The following GLIS3 variants were observed in gnomAD, a reference collection of about 807,000 sequenced individuals.
GLIS3 encodes zinc finger protein GLIS3.
A neutral mutation model predicts 78.6 loss-of-function variants in GLIS3; 53 were observed. That is an observed-to-expected ratio of 0.67 (90% CI 0.54 to 0.85). The LOEUF (loss-of-function observed/expected upper bound fraction) is 0.85. Among genes scored for constraint, GLIS3 ranks in the 40% least tolerant of loss-of-function variants. The pLI is 0.00. For missense variants in GLIS3, 1,703 were observed against 1,231.1 expected, an observed-to-expected ratio of 1.38 and a Z score of -5.74; for synonymous variants, 684 against 509.9, an observed-to-expected ratio of 1.34 and a Z score of -4.60.
chr9:3,879,320 AACCC>A, intron 8 of GLIS3, 103 bp downstream of exon 8: 2 of 1,094,316 alleles, frequency 1.8e-6, no homozygotes, highest in Non-Finnish European at 2.8e-6. Context: ...TGGGTAACTC[AACCC>A]ACCAACGGAT....
intron 2 of GLIS3, among the ~76,000 whole-genome samples, chr9:4,203,831 T>C (rs1428131362): frequency 6.6e-6 from 1 of 152,148 alleles, no homozygotes; most frequent in Non-Finnish European, 1.5e-5. Context: ...CTGGAGGCCA[T>C]TATCCTAAGT....
intron 6 of GLIS3, among the ~76,000 whole-genome samples, chr9:3,908,295 T>G (rs1329208016): frequency 6.6e-6 from 1 of 152,216 alleles, no homozygotes; most frequent in Non-Finnish European, 1.5e-5. Context: ...AAAAAGACTT[T>G]TTGTACATTG....
chr9:4,088,799 T>C (rs1829254922), intron 4 of GLIS3, among the ~76,000 whole-genome samples: 2 of 152,368 alleles, frequency 1.3e-5, no homozygotes, highest in East Asian at 3.9e-4. Context: ...ATTTATGAAG[T>C]CCCACATTTT....
the GLIS3 span, among the ~76,000 whole-genome samples, chr9:4,397,012 T>G: frequency 7.1e-6 from 1 of 140,794 alleles, no homozygotes; most frequent in Non-Finnish European, 1.5e-5. Context: ...GTCAATCCTT[T>G]TTTCTTTTTT....
chr9:3,909,815 T>C (rs1232873347), intron 6 of GLIS3, among the ~76,000 whole-genome samples: 2 of 152,218 alleles, frequency 1.3e-5, no homozygotes, highest in Non-Finnish European at 2.9e-5. Flanking sequence ...CACTATCCAG[T>C]TGAAATTTCT....
At chr9:4,175,252 T>C (rs2131146681) in intron 2 of GLIS3, among the ~76,000 whole-genome samples, 2 of 152,254 alleles carry the variant, frequency 1.3e-5, no homozygotes, top group Admixed American at 1.3e-4. Context: ...AATATCAAAA[T>C]CTGTTGATAA....
chr9:4,363,877 C>T, the GLIS3 span, among the ~76,000 whole-genome samples: 5 of 152,210 alleles, frequency 3.3e-5, no homozygotes, highest in Non-Finnish European at 5.9e-5. Flanking sequence ...GTCACAACTT[C>T]TTGGAACAAT....
chr9:4,080,756 G>C (rs1828490438), intron 4 of GLIS3, among the ~76,000 whole-genome samples: 1 of 152,112 alleles, frequency 6.6e-6, no homozygotes, highest in Non-Finnish European at 1.5e-5. Context: ...AGAAGTCTAG[G>C]GGCATTAAAA....
At chr9:3,944,024 G>A (rs539880355) in intron 4 of GLIS3, among the ~76,000 whole-genome samples, 12 of 152,226 alleles carry the variant, frequency 7.9e-5, no homozygotes, top group African/African-American at 2.6e-4. Flanking sequence ...GAAGAAATCT[G>A]TATAAAACAA....
chr9:4,349,297 A>G (rs1817932616), upstream of GLIS3, among the ~76,000 whole-genome samples: 1 of 152,200 alleles, frequency 6.6e-6, no homozygotes, highest in African/African-American at 2.4e-5. Flanking sequence ...TTATGCAACC[A>G]TATTTCTCCA....
At chr9:4,402,451 A>C in the GLIS3 span, among the ~76,000 whole-genome samples, 1 of 152,232 alleles carries the variant, frequency 6.6e-6, no homozygotes, top group African/African-American at 2.4e-5. Context: ...ACCATCCAGG[A>C]AAACATGACC....
At chr9:4,165,697 T>C (rs879345608) in intron 2 of GLIS3, among the ~76,000 whole-genome samples, 2 of 152,164 alleles carry the variant, frequency 1.3e-5, no homozygotes, top group African/African-American at 2.4e-5. Context: ...AAGTTGAGTA[T>C]GATGTGCCTA....
At chr9:4,358,564 G>A in the GLIS3 span, among the ~76,000 whole-genome samples, 2 of 152,174 alleles carry the variant, frequency 1.3e-5, no homozygotes, top group African/African-American at 4.8e-5. Flanking sequence ...GATACACCAG[G>A]GCCCAAGAAG....
chr9:3,910,462 G>T lies in GLIS3; in HGVS notation c.1984-11627C>A, dbSNP rs192677433. Among the ~76,000 whole-genome samples, 546 of 152,284 alleles carry T rather than the reference G, an allele frequency of 3.6e-3. 3 individuals are homozygous for T. The highest frequency in any genetic ancestry group is 0.019 in the Admixed American group (293 of 15,300). On this transcript the variant is annotated intron_variant, in intron 6 of 10. Coordinates refer to ENST00000381971, the MANE Select transcript of GLIS3 (RefSeq NM_001042413.2). ...TTTCCTGGGTTTGAGCAATCCTCTTGCTTCAGCCTCCTAAGTAGCTGAGAC... is the reference window on the plus strand; with the variant it reads ...TTTCCTGGGTTTGAGCAATCCTCTTTCTTCAGCCTCCTAAGTAGCTGAGAC...
At chr9:4,285,308 T>C (rs1827893324) in intron 2 of GLIS3, among the ~76,000 whole-genome samples, 1 of 152,226 alleles carries the variant, frequency 6.6e-6, no homozygotes, top group Non-Finnish European at 1.5e-5. Flanking sequence ...GTCGCTCAAA[T>C]AACTTGCTAT....
chr9:4,129,968 G>A (rs1832853169), intron 2 of GLIS3, among the ~76,000 whole-genome samples: 1 of 152,176 alleles, frequency 6.6e-6, no homozygotes, highest in South Asian at 2.1e-4. Context: ...ATGGAGATGA[G>A]GAACTTGTTG....
intron 4 of GLIS3, among the ~76,000 whole-genome samples, chr9:3,984,097 G>A (rs1372778038): frequency 6.6e-6 from 1 of 152,174 alleles, no homozygotes; most frequent in African/African-American, 2.4e-5. Context: ...GCAGCCTAGG[G>A]ACTGCTAGGG....
At chr9:4,422,004 A>G in the GLIS3 span, among the ~76,000 whole-genome samples, 1 of 152,224 alleles carries the variant, frequency 6.6e-6, no homozygotes, top group Admixed American at 6.5e-5. Context: ...AGCAGTAAAA[A>G]AGGTCCTGTG....
At chr9:4,291,088 G>T (rs978787880) in intron 1 of GLIS3, among the ~76,000 whole-genome samples, 4 of 152,088 alleles carry the variant, frequency 2.6e-5, no homozygotes, top group African/African-American at 9.7e-5. Context: ...AGTTAGGGAG[G>T]TTACACCTAA....
Sources: allele counts gnomAD v4.1 joint callset (sites outside exome capture counted in the v4.1 genomes callset), GRCh38; gene constraint gnomAD v4.1.1; transcripts MANE v1.5; gene names NCBI Gene and HGNC (gene_info 2026-07-23, HGNC 2026-07-21).